The following NEDD9 variants were observed in gnomAD, a reference collection of about 807,000 sequenced individuals.
NEDD9 encodes neural precursor cell expressed, developmentally down-regulated 9, also known as enhancer of filamentation 1.
Under a neutral mutation model 76.6 loss-of-function variants are expected in NEDD9, and 26 were observed. The observed-to-expected ratio is 0.34, with a 90% CI of 0.25 to 0.47. The LOEUF is 0.47. NEDD9 is among the 20% of genes least tolerant of loss of function. The pLI, the probability that NEDD9 is intolerant of heterozygous loss-of-function variation, is 1.00. For missense variants in NEDD9, 937 were observed against 1,058.5 expected (o/e 0.89, Z 1.59); for synonymous variants, 392 against 414.2 (o/e 0.95, Z 0.65).
At chr6:11,269,564 G>A (rs1760261986) in intron 3 of NEDD9, among the ~76,000 whole-genome samples, 2 of 152,110 alleles carry the variant, frequency 1.3e-5, no homozygotes, top group African/African-American at 4.8e-5. Flanking sequence ...GCCCTTATGG[G>A]GCCATGCACT....
chr6:11,188,195 G>A, intron 6 of NEDD9, 23 bp downstream of exon 6: 1 of 1,596,902 alleles, frequency 6.3e-7, no homozygotes. Context: ...ATGCCAAGCA[G>A]TTTTTGCTCT....
In NEDD9 at chr6:11,185,100, G is replaced by T. The variant is rs1020842797; in HGVS notation, c.*62C>A. 10 of 1,498,870 alleles carry T rather than the reference G, an allele frequency of 6.7e-6. No individual in the cohort carries two copies. The Middle Eastern group carries it at 7.1e-4, about 107-fold the overall frequency. 92.8% of individuals were successfully genotyped at this position (1,498,870 alleles called of 1,614,324 possible). On this transcript the variant is annotated 3_prime_UTR_variant, in exon 7 of 7. Transcript: ENST00000379446. ...AAATAGATAACATTTACAAAAACCA[G>T]ACAGTATTTCCAGTTTTCCTTAGTA...
intron 3 of NEDD9, among the ~76,000 whole-genome samples, chr6:11,299,501 C>T (rs1448284590): frequency 6.6e-6 from 1 of 152,206 alleles, no homozygotes. Flanking sequence ...AAGAGAGCAG[C>T]GGTTCTCTCA....
intron 1 of NEDD9, among the ~76,000 whole-genome samples, chr6:11,346,112 T>A (rs1177394343): frequency 6.6e-6 from 1 of 152,218 alleles, no homozygotes; most frequent in East Asian, 1.9e-4. Flanking sequence ...TTTTTGTGTC[T>A]CCACCATTAG....
intron 3 of NEDD9, among the ~76,000 whole-genome samples, chr6:11,294,371 A>G (rs925656741): frequency 3.3e-5 from 5 of 152,218 alleles, no homozygotes; most frequent in African/African-American, 1.2e-4. Flanking sequence ...ATGTTGGATC[A>G]TGGGGGTGGA....
At chr6:11,277,902 A>C (rs1388348936) in intron 3 of NEDD9, among the ~76,000 whole-genome samples, 1 of 152,040 alleles carries the variant, frequency 6.6e-6, no homozygotes, top group Non-Finnish European at 1.5e-5. Flanking sequence ...ACCCACCCAG[A>C]TTCATTCTCT....
At chr6:11,229,253 A>T (rs1454745030) in intron 1 of NEDD9, among the ~76,000 whole-genome samples, 1 of 152,248 alleles carries the variant, frequency 6.6e-6, no homozygotes, top group Non-Finnish European at 1.5e-5. Flanking sequence ...GTTGCATGGT[A>T]GACGAGATAA....
intron 2 of NEDD9, among the ~76,000 whole-genome samples, chr6:11,311,226 C>T (rs773308608): frequency 6.6e-6 from 1 of 152,090 alleles, no homozygotes; most frequent in Non-Finnish European, 1.5e-5. Flanking sequence ...CAGAATGGGA[C>T]CTTATTTGGA....
chr6:11,286,980 A>G (rs981249272), intron 3 of NEDD9, among the ~76,000 whole-genome samples: 1 of 152,224 alleles, frequency 6.6e-6, no homozygotes, highest in South Asian at 2.1e-4. Context: ...TCTACTCAGT[A>G]CAATCATCAT....
At chr6:11,373,954 G>A (rs557534513) in intron 1 of NEDD9, among the ~76,000 whole-genome samples, 19 of 152,250 alleles carry the variant, frequency 1.2e-4, no homozygotes, top group East Asian at 9.6e-4. Context: ...AGCAATGTCA[G>A]TTCTTCCCTG....
chr6:11,193,825 A>C, intron 2 of NEDD9, 133 bp from the exon 3 acceptor site: 1 of 566,766 alleles, frequency 1.8e-6, no homozygotes. Context: ...AGAAGACATA[A>C]CAGGAAGGAG....
At chr6:11,290,726 G>T (rs771490586) in intron 3 of NEDD9, among the ~76,000 whole-genome samples, 1 of 152,308 alleles carries the variant, frequency 6.6e-6, no homozygotes, top group Non-Finnish European at 1.5e-5. Flanking sequence ...TGAACACTGC[G>T]CTGGGCTGTC....
At chr6:11,258,732 CA>C (rs1760053975) in intron 3 of NEDD9, 1 of 152,204 alleles carries the variant, frequency 6.6e-6, no homozygotes, top group African/African-American at 2.4e-5. Flanking sequence ...TTGAAGGACA[CA>C]AAGCCATAAA....
At chr6:11,237,370 G>A (rs147621663), upstream of NEDD9, among the ~76,000 whole-genome samples, 18 of 152,242 alleles carry the variant, frequency 1.2e-4, no homozygotes, top group Middle Eastern at 3.4e-3. This position sits in a 1 kb window ranked among gnomAD's most constrained non-coding sequence, Gnocchi z 4.9. Flanking sequence ...TTCAAAGAAC[G>A]TATGTTTATC....
chr6:11,273,398 C>A (rs542818196), intron 3 of NEDD9, among the ~76,000 whole-genome samples: 11 of 152,308 alleles, frequency 7.2e-5, no homozygotes, highest in Non-Finnish European at 1.5e-4. Context: ...AATGAATAAT[C>A]CCTCTCTAAT....
rs1436411056 is a variant in NEDD9 at position 11,370,626 on chromosome 6, T to C, written c.-214+11513A>G. On this transcript the variant is annotated intron_variant, in intron 1 of 3. Transcript: ENST00000397378. This position sits in a 1 kb window ranked among gnomAD's most constrained non-coding sequence, Gnocchi z 4.2. ...AGCTTCACTTCTGAGCAGGCTTCCC[T>C]GCTTACAGAGAGCTTCTTTCCCTGC... 1.3e-5 allele frequency among the ~76,000 whole-genome samples: 2 copies of C among 152,202 alleles called. No homozygotes were observed. The highest frequency in any genetic ancestry group is 2.9e-5 in the Non-Finnish European group (2 of 68,032).
chr6:11,230,277 G>C (rs1051850798), intron 1 of NEDD9, among the ~76,000 whole-genome samples: 2 of 152,202 alleles, frequency 1.3e-5, no homozygotes, highest in African/African-American at 2.4e-5. Flanking sequence ...AGAGGTCAAC[G>C]ATAGCTCTTT....
intron 3 of NEDD9, among the ~76,000 whole-genome samples, chr6:11,287,295 G>T (rs1237664933): frequency 6.6e-6 from 1 of 152,138 alleles, no homozygotes; most frequent in Non-Finnish European, 1.5e-5. Context: ...AGGCATGGTG[G>T]CAGGTGCCTG....
At chr6:11,319,754 A>G (rs1323557969) in intron 2 of NEDD9, among the ~76,000 whole-genome samples, 1 of 77,360 alleles carries the variant, frequency 1.3e-5, no homozygotes, top group African/African-American at 3.5e-5. Context: ...ACACACTAAC[A>G]TGCACACTAA....
Sources: gnomAD v4.1 joint callset for allele counts (sites outside exome capture counted in the v4.1 genomes callset) on GRCh38, gnomAD v4.1.1 for gene constraint, Gnocchi (gnomAD v3.1) non-coding constraint, MANE v1.5 for transcripts, NCBI Gene and HGNC (gene_info 2026-07-23, HGNC 2026-07-21) for gene names.